AGBL1: variants seen among roughly 807,000 people sequenced by gnomAD.
AGBL1 encodes the protein AGBL carboxypeptidase 1, also known as cytosolic carboxypeptidase 4.
In AGBL1, 130 loss-of-function variants were observed where a neutral mutation model predicts 118.9. The ratio of observed to expected loss-of-function variants is 1.09; its 90% CI spans 0.95 to 1.26. The LOEUF is 1.26. Ranked by LOEUF, AGBL1 falls within the 50% of genes most tolerant of loss-of-function variation. The pLI, the probability that AGBL1 is intolerant of heterozygous loss-of-function variation, is 0.00. For synonymous variants in AGBL1, 555 were observed against 478.9 expected (o/e 1.16, Z -2.08); for missense variants, 1,584 against 1,298.1 (o/e 1.22, Z -3.38).
chr15:86,420,445 C>T (rs528704256), intron 18 of AGBL1, among the ~76,000 whole-genome samples: 2 of 152,158 alleles, frequency 1.3e-5, no homozygotes, highest in Non-Finnish European at 2.9e-5. Context: ...AACATCCACA[C>T]AGAAACCCCA....
chr15:86,108,686 C>T (rs978941584), intron 1 of AGBL1, among the ~76,000 whole-genome samples: 11 of 152,192 alleles, frequency 7.2e-5, no homozygotes, highest in Non-Finnish European at 1.5e-4. Flanking sequence ...TGGCCAGGCG[C>T]AGTGGCTCAT....
intron 21 of AGBL1, among the ~76,000 whole-genome samples, chr15:86,658,771 A>G (rs2085497805): frequency 6.6e-6 from 1 of 152,192 alleles, no homozygotes; most frequent in Admixed American, 6.5e-5. Context: ...TTAATAATTT[A>G]GCACTTGTTA....
At chr15:86,457,407 G>T (rs559226235) in intron 18 of AGBL1, among the ~76,000 whole-genome samples, 1 of 152,146 alleles carries the variant, frequency 6.6e-6, no homozygotes, top group Admixed American at 6.5e-5. Context: ...CCAAGACCCC[G>T]CTGGGAGCCA....
At chr15:86,347,652 T>C (rs2080559558) in intron 17 of AGBL1, among the ~76,000 whole-genome samples, 1 of 152,240 alleles carries the variant, frequency 6.6e-6, no homozygotes, top group African/African-American at 2.4e-5. Flanking sequence ...TTCTATAAAA[T>C]GCTCTGAATA....
chr15:86,377,679 T>G (rs1219731657), intron 17 of AGBL1, among the ~76,000 whole-genome samples: 2 of 152,168 alleles, frequency 1.3e-5, no homozygotes, highest in Admixed American at 1.3e-4. Context: ...AAGGCAGCTT[T>G]AAGTTACCAT....
At chr15:86,604,223 T>C (rs1022771419) in intron 21 of AGBL1, among the ~76,000 whole-genome samples, 1 of 152,146 alleles carries the variant, frequency 6.6e-6, no homozygotes. Context: ...AGTTGTAATA[T>C]GAAATTGTAG....
In AGBL1 at chr15:86,720,177, C is replaced by T. The variant is rs757083521; in HGVS notation, c.3158+45741C>T. Among the ~76,000 whole-genome samples, 37 of 152,314 alleles carry T rather than the reference C, an allele frequency of 2.4e-4. 1 individual carries two copies. The highest frequency in any genetic ancestry group is 4.1e-4 in the South Asian group (2 of 4,832). ...TGGGCAATCAATCCTGTGACATCTT[C>T]GCTTGGATAACTCAGACTTAACCTG... On this transcript the variant is annotated intron_variant, in intron 22 of 22. Transcript: ENST00000614907.
intron 21 of AGBL1, among the ~76,000 whole-genome samples, chr15:86,652,562 G>A (rs1324007546): frequency 6.6e-6 from 1 of 151,936 alleles, no homozygotes; most frequent in Non-Finnish European, 1.5e-5. Flanking sequence ...TCGGATTGTA[G>A]ATTTAAACAT....
intron 5 of AGBL1, among the ~76,000 whole-genome samples, chr15:86,162,858 G>C (rs1286109419): frequency 6.6e-6 from 1 of 152,142 alleles, no homozygotes; most frequent in African/African-American, 2.4e-5. Context: ...GGAATGCCAT[G>C]CTGCCTTGTG....
At chr15:86,979,040 T>C (rs1181791312) in intron 23 of AGBL1, among the ~76,000 whole-genome samples, 2 of 152,200 alleles carry the variant, frequency 1.3e-5, no homozygotes, top group Admixed American at 1.3e-4. Context: ...AAAACCTGTA[T>C]CCTATTCACT....
intron 22 of AGBL1, among the ~76,000 whole-genome samples, chr15:86,828,956 T>C (rs1027481475): frequency 6.8e-6 from 1 of 147,586 alleles, no homozygotes; most frequent in African/African-American, 2.5e-5. Context: ...TGTATTTATA[T>C]GGTATAATAA....
chr15:86,270,010 A>T lies in AGBL1; in HGVS notation c.1930A>T (p.Ile644Phe). ...CAAAGTGAGCGGTATGCAGGCGGCC[A>T]TCCCTTACCACTTCAACATCATCAA... ...YFKVSGMQAAIPYHFNIINCE... is the reference protein window; with the variant it reads ...YFKVSGMQAAFPYHFNIINCE... Residue 644 changes from isoleucine (I) to phenylalanine (F), a missense_variant, in exon 14 of 23, where the codon ATC becomes TTC. Coordinates refer to ENST00000614907, the MANE Select transcript of AGBL1 (RefSeq NM_001386094.1). 1 of 1,613,524 alleles carries T rather than the reference A, an allele frequency of 6.2e-7. No individual in the cohort carries two copies. Among genetic ancestry groups the T allele is most frequent in the Non-Finnish European group, 8.5e-7 (1 of 1,179,700 alleles).
chr15:86,149,634 C>A (rs2077080081), intron 3 of AGBL1, among the ~76,000 whole-genome samples: 1 of 152,126 alleles, frequency 6.6e-6, no homozygotes, highest in South Asian at 2.1e-4. Flanking sequence ...AAAGCAAGTC[C>A]TTAGAGACCT....
rs142114176 is a variant in AGBL1 at position 87,006,755 on chromosome 15, G to A, written c.3323+18667G>A. ...TCAGTTGGAAATGCAGAAATCACCC[G>A]TCTTCTGCGTCACTCACTCTGGGAG... On this transcript the variant is annotated intron_variant, in intron 24 of 24. Coordinates refer to the AGBL1 transcript ENST00000441037. Among the ~76,000 whole-genome samples, 217 of 152,202 alleles carry A rather than the reference G, an allele frequency of 1.4e-3. 1 individual carries two copies. In the South Asian group the frequency reaches 0.016, roughly 11 times the overall value.
At chr15:86,889,723 A>G (rs1187588669) in intron 22 of AGBL1, among the ~76,000 whole-genome samples, 1 of 152,176 alleles carries the variant, frequency 6.6e-6, no homozygotes, top group Admixed American at 6.5e-5. Context: ...AAAGGACATG[A>G]TCTCATTCCT....
At chr15:86,440,918 A>G (rs1240854603) in intron 18 of AGBL1, among the ~76,000 whole-genome samples, 1 of 152,208 alleles carries the variant, frequency 6.6e-6, no homozygotes, top group Non-Finnish European at 1.5e-5. Context: ...GGCATAGGAA[A>G]CAGGCTCAAG....
At chr15:86,228,127 A>G (rs1395465627) in intron 6 of AGBL1, among the ~76,000 whole-genome samples, 2 of 152,230 alleles carry the variant, frequency 1.3e-5, no homozygotes, top group African/African-American at 2.4e-5. Flanking sequence ...GCTGCAGGGC[A>G]TAGAAGTGTT....
At chr15:86,749,420 T>G (rs1315733533) in intron 22 of AGBL1, among the ~76,000 whole-genome samples, 2 of 152,106 alleles carry the variant, frequency 1.3e-5, no homozygotes, top group Non-Finnish European at 2.9e-5. Flanking sequence ...GCTGAGACAA[T>G]GGGGTTTTCT....
At chr15:86,651,200 G>A (rs2085362746) in intron 21 of AGBL1, among the ~76,000 whole-genome samples, 1 of 152,056 alleles carries the variant, frequency 6.6e-6, no homozygotes, top group African/African-American at 2.4e-5. Context: ...TCATGGTGAG[G>A]CCCAGGATTA....
Sources: allele counts gnomAD v4.1 joint callset (sites outside exome capture counted in the v4.1 genomes callset), GRCh38; gene constraint gnomAD v4.1.1; transcripts MANE v1.5; gene names NCBI Gene and HGNC (gene_info 2026-07-23, HGNC 2026-07-21).